KIF3A: variants seen among roughly 807,000 people sequenced by gnomAD.
KIF3A encodes kinesin family member 3A, also known as kinesin-like protein KIF3A.
KIF3A carries 27 observed loss-of-function variants against 92.6 expected under a neutral mutation model. The ratio of observed to expected loss-of-function variants is 0.29; its 90% confidence interval spans 0.21 to 0.40. The LOEUF is 0.40. Among genes scored for constraint, KIF3A ranks in the 10% least tolerant of loss-of-function variants. The pLI, the probability that KIF3A is intolerant of heterozygous loss-of-function variation, is 1.00. For synonymous variants in KIF3A, 250 were observed against 275.4 expected (o/e 0.91, Z 0.92); for missense variants, 581 against 872.6 (o/e 0.67, Z 4.21).
intron 4 of KIF3A, chr5:132,721,546 AT>A (rs1478722170): frequency 6.6e-6 from 1 of 152,222 alleles, no homozygotes; most frequent in Admixed American, 6.5e-5. Context: ...CTGATAAACA[AT>A]TCCAGGGGAA....
At position 132,716,319 on chromosome 5, in the gene KIF3A, GA is replaced by G; in HGVS notation, c.879del (p.His294MetfsTer9). 6.2e-7 allele frequency: 1 copy of G among 1,613,870 alleles called. No individual in the cohort carries two copies. Among genetic ancestry groups the G allele is most frequent in the Non-Finnish European group, 8.5e-7 (1 of 1,179,798 alleles). ...VISALVDGKS[T>X]HVPYRNSKLT... ...AGTTTAGAGTTACGATAAGGCACAT[GA>G]GTGCTTTTTCCATCAACCAAGGCAG... On this transcript the variant is annotated frameshift_variant, in exon 7 of 19. Transcript: ENST00000403231. LOFTEE classifies it high-confidence loss of function.
chr5:132,732,767 G>A (rs1754275239), intron 2 of KIF3A, among the ~76,000 whole-genome samples: 1 of 152,144 alleles, frequency 6.6e-6, no homozygotes, highest in Admixed American at 6.5e-5. Context: ...AAATTAGCTG[G>A]GTGTGTTGGC....
chr5:132,710,422 C>A (rs1753376045), intron 9 of KIF3A, among the ~76,000 whole-genome samples: 1 of 152,146 alleles, frequency 6.6e-6, no homozygotes, highest in Admixed American at 6.5e-5. Flanking sequence ...CAAGACCAGC[C>A]TGGCTAACAG....
chr5:132,717,645 A>AAC (rs1232194654), intron 5 of KIF3A, among the ~76,000 whole-genome samples: 1 of 152,206 alleles, frequency 6.6e-6, no homozygotes, highest in Non-Finnish European at 1.5e-5. Context: ...GTAAAAAAAA[A>AAC]AAATCCATTC....
At chr5:132,699,146 T>C (rs1752937591) in intron 18 of KIF3A, 25 bp downstream of exon 18, 1 of 1,610,858 alleles carries the variant, frequency 6.2e-7, no homozygotes, top group Admixed American at 1.7e-5. Context: ...GCCTTCGTTT[T>C]ACCAGATTCA....
chr5:132,715,544 A>G (rs182082810), intron 8 of KIF3A, among the ~76,000 whole-genome samples: 34 of 152,352 alleles, frequency 2.2e-4, no homozygotes, highest in Non-Finnish European at 4.3e-4. Context: ...TGTTTTTAAA[A>G]AACCACATAC....
chr5:132,703,798 C>T (rs1014347986), intron 11 of KIF3A, among the ~76,000 whole-genome samples, 179 bp from the exon 12 acceptor site: 1 of 151,858 alleles, frequency 6.6e-6, no homozygotes, highest in African/African-American at 2.4e-5. Context: ...GCTCCTAGAA[C>T]TTTATAACTC....
At chr5:132,698,588 A>G (rs1239888002) in intron 18 of KIF3A, among the ~76,000 whole-genome samples, 1 of 152,240 alleles carries the variant, frequency 6.6e-6, no homozygotes, top group Non-Finnish European at 1.5e-5. Flanking sequence ...TCTAAGAATT[A>G]AGGAATTAAA....
chr5:132,699,552 T>G, intron 17 of KIF3A: 1 of 517,638 alleles, frequency 1.9e-6, no homozygotes, highest in Non-Finnish European at 3.7e-6. Context: ...CTGCCCCCTC[T>G]TCTTCTTCTT....
At chr5:132,719,190 T>A (rs1486821356) in intron 5 of KIF3A, among the ~76,000 whole-genome samples, 2 of 152,204 alleles carry the variant, frequency 1.3e-5, no homozygotes, top group African/African-American at 4.8e-5. Flanking sequence ...AACCTACATA[T>A]CCTTCATCTA....
chr5:132,736,894 G>C, intron 1 of KIF3A: 1 of 354,988 alleles, frequency 2.8e-6, no homozygotes, highest in Non-Finnish European at 5.7e-6. Context: ...CACACACAAA[G>C]ACACCTACGG....
In KIF3A at chr5:132,720,608, C is replaced by T. The variant is rs1195583118; in HGVS notation, c.616+1G>A. The T allele has an allele frequency of 3.1e-6, 5 of 1,588,328 alleles. No individual in the cohort carries two copies. Among genetic ancestry groups the T allele is most frequent in the South Asian group, 1.1e-5 (1 of 88,862 alleles). ...TAATCACAATTACACACTATACTTA[C>T]GATTTTTGTGGCCTAGCGTCATAAT... On this transcript the variant is annotated splice_donor_variant, in intron 5 of 18. Transcript: ENST00000403231. LOFTEE classifies it high-confidence loss of function.
At chr5:132,699,549 CTCT>C (rs769811613) in intron 17 of KIF3A, 285 of 535,736 alleles carry the variant, frequency 5.3e-4, no homozygotes, top group Non-Finnish European at 6.9e-4. Flanking sequence ...AAGCTGCCCC[CTCT>C]TCTTCTTCTT....
chr5:132,720,644 T>C lies in KIF3A; in HGVS notation c.581A>G (p.Asp194Gly). 1.2e-6 allele frequency: 2 copies of C among 1,611,804 alleles called. No individual in the cohort carries two copies. Among genetic ancestry groups the C allele is most frequent in the South Asian group, 1.1e-5 (1 of 90,804 alleles). The change falls in exon 5 of 19, where the codon GAT (aspartate) becomes GGT (glycine). Residue 194 changes from aspartate (D) to glycine (G), a missense_variant. Transcript: ENST00000403231. Reference protein sequence around the residue: ...LSAYVVNNADDMDRIMTLGHK... With the variant: ...LSAYVVNNADGMDRIMTLGHK... Reference sequence around the variant, plus strand: ...GCCTAGCGTCATAATTCTATCCATATCATCAGCATTATTTACCACATAAGC... The same window carrying C: ...GCCTAGCGTCATAATTCTATCCATACCATCAGCATTATTTACCACATAAGC...
chr5:132,736,906 T>G, intron 1 of KIF3A: 1 of 339,882 alleles, frequency 2.9e-6, no homozygotes, highest in Non-Finnish European at 5.9e-6. Flanking sequence ...CACCTACGGG[T>G]TTCATTCTGC....
chr5:132,737,058 C>T, intron 1 of KIF3A: 1 of 395,046 alleles, frequency 2.5e-6, no homozygotes, highest in Non-Finnish European at 4.6e-6. Context: ...ACCAGGTGTG[C>T]AGCATCCAAA....
chr5:132,710,395 T>G (rs1753374582), intron 9 of KIF3A, among the ~76,000 whole-genome samples: 1 of 152,124 alleles, frequency 6.6e-6, no homozygotes, highest in East Asian at 1.9e-4. Flanking sequence ...GGCAGATGGA[T>G]CATGAGGTCA....
At chr5:132,716,129 A>G (rs772846161) in intron 7 of KIF3A, 116 bp downstream of exon 7, 12 of 959,648 alleles carry the variant, frequency 1.3e-5, no homozygotes, top group South Asian at 3.3e-5. Flanking sequence ...AAGGACAACC[A>G]CAAGTCAAAA....
intron 5 of KIF3A, 127 bp from the exon 6 acceptor site, chr5:132,717,111 A>T: frequency 2.4e-6 from 2 of 825,016 alleles, no homozygotes; most frequent in Non-Finnish European, 3.8e-6. Flanking sequence ...TGGCTAAACC[A>T]TAAAGGCATG....
Sources: gnomAD v4.1 joint callset for allele counts (sites outside exome capture counted in the v4.1 genomes callset) on GRCh38, gnomAD v4.1.1 for gene constraint, MANE v1.5 for transcripts, NCBI Gene and HGNC (gene_info 2026-07-23, HGNC 2026-07-21) for gene names.